ORC5: variants seen among roughly 807,000 people sequenced by gnomAD.
The protein encoded by ORC5 is origin recognition complex subunit 5, also known as protein phosphatase 1, regulatory subunit 117.
Under a neutral mutation model 58.8 loss-of-function variants are expected in ORC5, and 39 were observed. The ratio of observed to expected loss-of-function variants is 0.66; its 90% CI spans 0.51 to 0.87. The LOEUF is 0.87. Among genes scored for constraint, ORC5 ranks in the 40% least tolerant of loss-of-function variants. The pLI is 0.00. For synonymous variants in ORC5, 218 were observed against 177.6 expected, an observed-to-expected ratio of 1.23 and a Z score of -1.81; for missense variants, 493 against 506.3, an observed-to-expected ratio of 0.97 and a Z score of 0.25.
At chr7:104,155,732 G>A (rs1036574042) in intron 12 of ORC5, among the ~76,000 whole-genome samples, 1 of 151,538 alleles carries the variant, frequency 6.6e-6, no homozygotes, top group Non-Finnish European at 1.5e-5. Flanking sequence ...TTTAAAATAA[G>A]TGGTATCTCT....
At chr7:104,198,967 C>G (rs1422420056) in intron 3 of ORC5, among the ~76,000 whole-genome samples, 1 of 152,226 alleles carries the variant, frequency 6.6e-6, no homozygotes, top group Non-Finnish European at 1.5e-5. Context: ...AGAGTGCAAG[C>G]CCCAAGCCTT....
At chr7:104,165,446 ATTT>A in intron 10 of ORC5, 164 bp from the exon 11 acceptor site, 1 of 471,200 alleles carries the variant, frequency 2.1e-6, no homozygotes, top group Non-Finnish European at 3.8e-6. Context: ...ACTTCAACAT[ATTT>A]TAGGCCAATT....
intron 12 of ORC5, among the ~76,000 whole-genome samples, chr7:104,137,366 C>A (rs567780578): frequency 2.0e-4 from 31 of 152,062 alleles, no homozygotes; most frequent in Non-Finnish European, 3.4e-4. Flanking sequence ...GATTCTCCTG[C>A]CTTGGCCTCC....
intron 8 of ORC5, among the ~76,000 whole-genome samples, chr7:104,181,744 A>G (rs980963224): frequency 1.3e-5 from 2 of 150,918 alleles, no homozygotes; most frequent in Non-Finnish European, 2.9e-5. Context: ...GTGAGCCGAG[A>G]TCGCGCCACT....
At chr7:104,200,211 A>G (rs1343883320) in intron 3 of ORC5, among the ~76,000 whole-genome samples, 2 of 152,202 alleles carry the variant, frequency 1.3e-5, no homozygotes, top group Non-Finnish European at 2.9e-5. Context: ...TGTTGCTCTA[A>G]AGTCTTTACT....
At chr7:104,179,623 C>G (rs1562820798) in intron 8 of ORC5, among the ~76,000 whole-genome samples, 1 of 151,384 alleles carries the variant, frequency 6.6e-6, no homozygotes, top group Non-Finnish European at 1.5e-5. Flanking sequence ...TTCTTAATAG[C>G]CATCTTCTAA....
intron 12 of ORC5, among the ~76,000 whole-genome samples, chr7:104,149,930 T>G (rs930325218): frequency 6.6e-6 from 1 of 152,208 alleles, no homozygotes; most frequent in Non-Finnish European, 1.5e-5. Flanking sequence ...ACATCCTAAA[T>G]GGGGTTATAC....
At chr7:104,142,221 C>G (rs770260854) in intron 12 of ORC5, among the ~76,000 whole-genome samples, 1 of 152,124 alleles carries the variant, frequency 6.6e-6, no homozygotes, top group Admixed American at 6.6e-5. Flanking sequence ...TCATCTTACA[C>G]CATACACAAA....
chr7:104,182,135 G>A (rs1448135094), intron 8 of ORC5, among the ~76,000 whole-genome samples: 1 of 152,080 alleles, frequency 6.6e-6, no homozygotes, highest in African/African-American at 2.4e-5. Flanking sequence ...TAAAAAGGGG[G>A]ACTACTTTGT....
At chr7:104,131,219 TCTC>T (rs893299193) in intron 13 of ORC5, among the ~76,000 whole-genome samples, 32 of 152,170 alleles carry the variant, frequency 2.1e-4, no homozygotes, top group African/African-American at 7.7e-4. Flanking sequence ...CTCAATTTTG[TCTC>T]CTCCTTCTCG....
intron 12 of ORC5, among the ~76,000 whole-genome samples, chr7:104,154,885 G>A (rs79400173): frequency 0.033 from 4,985 of 151,660 alleles, 141 homozygotes; most frequent in South Asian, 0.11. Flanking sequence ...GTAATAAAAC[G>A]TTAGCTACCT....
At chr7:104,202,835 C>A (rs1014325946) in intron 2 of ORC5, among the ~76,000 whole-genome samples, 2 of 152,134 alleles carry the variant, frequency 1.3e-5, no homozygotes, top group African/African-American at 4.8e-5. Flanking sequence ...AAATCTACAA[C>A]TTAATAAGCT....
intron 4 of ORC5, among the ~76,000 whole-genome samples, chr7:104,197,212 C>A (rs1799820593): frequency 6.6e-6 from 1 of 152,104 alleles, no homozygotes; most frequent in African/African-American, 2.4e-5. Context: ...CTGCTGTAGG[C>A]TAGTTCACTT....
chr7:104,169,536 G>C (rs1458469835), intron 8 of ORC5, among the ~76,000 whole-genome samples: 1 of 152,056 alleles, frequency 6.6e-6, no homozygotes, highest in African/African-American at 2.4e-5. Context: ...AAGGCAGTTT[G>C]ATGCAAAGGT....
chr7:104,207,804 G>T, intron 1 of ORC5, 29 bp downstream of exon 1: 1 of 1,598,594 alleles, frequency 6.3e-7, no homozygotes, highest in Non-Finnish European at 8.6e-7. Context: ...TCTGCCTCCA[G>T]GATCTGGAAG....
At chr7:104,168,147 T>A (rs928461585) in intron 9 of ORC5, 5 of 472,514 alleles carry the variant, frequency 1.1e-5, no homozygotes, top group African/African-American at 1.0e-4. Flanking sequence ...ATAAAACTCA[T>A]GAAATATAAA....
At chr7:104,190,793 C>T (rs913194559) in intron 5 of ORC5, among the ~76,000 whole-genome samples, 4 of 151,848 alleles carry the variant, frequency 2.6e-5, no homozygotes, top group African/African-American at 9.7e-5. Flanking sequence ...AAAAACTCTT[C>T]CAGGATATTC....
chr7:104,138,521 T>C lies in ORC5; in HGVS notation c.1150-1628A>G, dbSNP rs1343318922. ...TCTTTCCTTCTTTTCTTTCTTTTTT[T>C]TTTTCTGAGGCAGGGTCTCACTCCA... On this transcript the variant is annotated intron_variant, in intron 12 of 13. Transcript: ENST00000297431. The surrounding 1 kb of genome is among the most constrained non-coding windows in gnomAD (Gnocchi z 4.7). Among the ~76,000 whole-genome samples, 4 of 151,788 alleles carry C rather than the reference T, an allele frequency of 2.6e-5. No homozygotes were observed. The highest frequency in any genetic ancestry group is 6.6e-5 in the Admixed American group (1 of 15,252).
intron 12 of ORC5, among the ~76,000 whole-genome samples, chr7:104,148,903 G>A (rs948082917): frequency 1.3e-5 from 2 of 151,922 alleles, no homozygotes; most frequent in Non-Finnish European, 2.9e-5. Context: ...GTGTGGTGGC[G>A]CATGCCTGTA....
Sources: allele counts gnomAD v4.1 joint callset (sites outside exome capture counted in the v4.1 genomes callset), GRCh38; gene constraint gnomAD v4.1.1; non-coding constraint Gnocchi (gnomAD v3.1); transcripts MANE v1.5; gene names NCBI Gene and HGNC (gene_info 2026-07-23, HGNC 2026-07-21).